The following NAV3 variants were observed in gnomAD, a reference collection of about 807,000 sequenced individuals.
The protein encoded by NAV3 is neuron navigator 3.
NAV3 carries 87 observed loss-of-function variants against 244.7 expected under a neutral mutation model. The observed-to-expected ratio is 0.36, with a 90% CI of 0.30 to 0.42. NAV3 has a LOEUF of 0.42. NAV3 is among the 20% of genes least tolerant of loss of function. The probability of loss-of-function intolerance (pLI) is 1.00; values close to 1 mark genes in which losing one functional copy is unlikely to be tolerated. For missense variants in NAV3, 2,663 were observed against 2,893.3 expected (o/e 0.92, Z 1.83); for synonymous variants, 1,126 against 1,042.2 (o/e 1.08, Z -1.55).
At chr12:78,154,256 T>TACAATATATAGTATATATTACTAG (rs1555182963) in intron 22 of NAV3, among the ~76,000 whole-genome samples, 2 of 128,424 alleles carry the variant, frequency 1.6e-5, no homozygotes, top group African/African-American at 5.5e-5. Flanking sequence ...TATATTACTA[T>TACAATATATAGTATATATTACTAG]ATAATATATA....
intron 5 of NAV3, among the ~76,000 whole-genome samples, chr12:77,975,727 T>C (rs1868324292): frequency 6.6e-6 from 1 of 152,126 alleles, no homozygotes; most frequent in Non-Finnish European, 1.5e-5. Flanking sequence ...GTAGATATAA[T>C]TCAAAGAAAC....
chr12:77,755,607 C>G (rs193040739), intron 2 of NAV3, among the ~76,000 whole-genome samples: 2 of 58,198 alleles, frequency 3.4e-5, no homozygotes, highest in Non-Finnish European at 7.0e-5. Flanking sequence ...CCCTCCCTCC[C>G]TCCCTCCTTC....
chr12:77,609,921 C>T (rs1388778681), intron 2 of NAV3, among the ~76,000 whole-genome samples: 1 of 151,926 alleles, frequency 6.6e-6, no homozygotes, highest in African/African-American at 2.4e-5. Context: ...TTTCATTTCC[C>T]ATACAATATC....
intron 5 of NAV3, among the ~76,000 whole-genome samples, chr12:77,993,622 T>C (rs1387716472): frequency 1.3e-5 from 2 of 152,172 alleles, no homozygotes; most frequent in African/African-American, 4.8e-5. Flanking sequence ...TTTAAGGACC[T>C]GCAAGCTCCC....
At chr12:78,181,098 G>T in intron 30 of NAV3, 53 bp downstream of exon 30, 1 of 1,545,936 alleles carries the variant, frequency 6.5e-7, no homozygotes, top group Non-Finnish European at 8.8e-7. Context: ...GAGTTAACGG[G>T]TGGGAAGCCT....
intron 2 of NAV3, among the ~76,000 whole-genome samples, chr12:77,606,969 A>T (rs777930922): frequency 3.9e-5 from 6 of 152,108 alleles, no homozygotes; most frequent in Admixed American, 2.6e-4. Context: ...CTACTCCTGA[A>T]AACTGATTGG....
At chr12:78,207,490 T>C (rs1337755940) in intron 39 of NAV3, among the ~76,000 whole-genome samples, 1 of 152,140 alleles carries the variant, frequency 6.6e-6, no homozygotes, top group African/African-American at 2.4e-5. Flanking sequence ...TGCAGTAACA[T>C]AATAGAGGCA....
chr12:78,182,720 T>A (rs1303830716), intron 30 of NAV3, among the ~76,000 whole-genome samples: 1 of 152,002 alleles, frequency 6.6e-6, no homozygotes, highest in Admixed American at 6.6e-5. Flanking sequence ...TACGTTTTTT[T>A]AATACCTTTT....
chr12:77,733,782 A>G (rs546669767), intron 2 of NAV3, among the ~76,000 whole-genome samples: 4 of 151,878 alleles, frequency 2.6e-5, no homozygotes, highest in South Asian at 2.1e-4. Context: ...AATTTCACTA[A>G]TAGGCCACTC....
intron 1 of NAV3, among the ~76,000 whole-genome samples, chr12:77,929,476 G>T (rs1888558023): frequency 6.6e-6 from 1 of 151,978 alleles, no homozygotes; most frequent in African/African-American, 2.4e-5. Flanking sequence ...CCAGAAATTT[G>T]AATTTATCCA....
intron 12 of NAV3, among the ~76,000 whole-genome samples, chr12:78,064,426 T>TCTGCCTGCCTGCCTGCCTGCCTGCCTGC (rs1555273018): frequency 7.3e-6 from 1 of 136,194 alleles, no homozygotes; most frequent in African/African-American, 2.7e-5. Flanking sequence ...TGTCTGTCTG[T>TCTGCCTGCCTGCCTGCCTGCCTGCCTGC]CTGCCTGCCT....
At chr12:78,109,756 G>GA (rs954867046) in intron 12 of NAV3, among the ~76,000 whole-genome samples, 3 of 151,580 alleles carry the variant, frequency 2.0e-5, no homozygotes, top group East Asian at 1.9e-4. Flanking sequence ...ATCTCTTCAT[G>GA]AAAAAAAACT....
chr12:77,833,408 AGGAAATG>A (rs1467480126), intron 1 of NAV3, among the ~76,000 whole-genome samples: 1 of 152,228 alleles, frequency 6.6e-6, no homozygotes, highest in Admixed American at 6.5e-5. Flanking sequence ...ATTTCGAAAC[AGGAAATG>A]TTTCCTTGTC....
chr12:78,041,111 A>T (rs1880787068), intron 9 of NAV3, among the ~76,000 whole-genome samples: 1 of 152,226 alleles, frequency 6.6e-6, no homozygotes. Context: ...GGTTATTAAC[A>T]GTTCTGAGTT....
intron 2 of NAV3, among the ~76,000 whole-genome samples, chr12:77,632,217 G>GA (rs963906106): frequency 1.1e-4 from 16 of 152,174 alleles, no homozygotes; most frequent in African/African-American, 3.1e-4. Flanking sequence ...GGGGTTGTGA[G>GA]AAAAAATGAA....
chr12:77,787,655 A>G (rs1870968291), intron 2 of NAV3, among the ~76,000 whole-genome samples: 2 of 152,320 alleles, frequency 1.3e-5, no homozygotes, highest in Non-Finnish European at 2.9e-5. Context: ...CCCGTGATTC[A>G]GTTATCTCCA....
chr12:77,973,502 G>A, intron 5 of NAV3, among the ~76,000 whole-genome samples: 1 of 152,148 alleles, frequency 6.6e-6, no homozygotes, highest in East Asian at 1.9e-4. Context: ...GGATTCACAA[G>A]TTAAACTGTG....
At chr12:77,883,398 T>C (rs1882900999) in intron 1 of NAV3, among the ~76,000 whole-genome samples, 1 of 151,926 alleles carries the variant, frequency 6.6e-6, no homozygotes, top group Admixed American at 6.6e-5. Flanking sequence ...TGAGCACACA[T>C]GGAGATAACC....
intron 12 of NAV3, among the ~76,000 whole-genome samples, chr12:78,114,341 A>G (rs1955259571): frequency 6.6e-6 from 1 of 152,152 alleles, no homozygotes; most frequent in Non-Finnish European, 1.5e-5. Context: ...CACTCCTGGT[A>G]CCAATTTACC....
Sources: allele counts gnomAD v4.1 joint callset (sites outside exome capture counted in the v4.1 genomes callset), GRCh38; gene constraint gnomAD v4.1.1; transcripts MANE v1.5; gene names NCBI Gene and HGNC (gene_info 2026-07-23, HGNC 2026-07-21).